Variants in CSMD3 observed in about 807,000 individuals in gnomAD.
The protein encoded by CSMD3 is CUB and sushi domain-containing protein 3.
A neutral mutation model predicts 435.2 loss-of-function variants in CSMD3; 177 were observed. The ratio of observed to expected loss-of-function variants is 0.41; its 90% confidence interval spans 0.36 to 0.46. CSMD3 has a LOEUF of 0.46. CSMD3 is among the 20% of genes least tolerant of loss of function. The pLI, the probability that CSMD3 is intolerant of heterozygous loss-of-function variation, is 0.34. For synonymous variants in CSMD3, 1,656 were observed against 1,520.5 expected (o/e 1.09, Z -2.07); for missense variants, 4,265 against 4,504.6 (o/e 0.95, Z 1.52).
rs765706319 is a variant in CSMD3, at chr8:112,807,530, AGGTAGGT to A, written c.1860-7263_1860-7257del. Among the ~76,000 whole-genome samples the A allele has an allele frequency of 4.5e-3, 678 of 150,554 alleles. 5 individuals are homozygous for A. The highest frequency in any genetic ancestry group is 0.021 in the South Asian group (100 of 4,802). ...TAGGTAGGTAGGTAGGTAGGTAGGTAGGTAGGTAGGAAATACATGTTTGGTGTCCATC... is the reference window on the plus strand; with the variant it reads ...TAGGTAGGTAGGTAGGTAGGTAGGTAAGGAAATACATGTTTGGTGTCCATC... On this transcript the variant is annotated intron_variant, in intron 12 of 70. Transcript: ENST00000297405.
At chr8:112,698,712 T>G (rs2076314770) in intron 13 of CSMD3, among the ~76,000 whole-genome samples, 1 of 152,152 alleles carries the variant, frequency 6.6e-6, no homozygotes, top group African/African-American at 2.4e-5. Context: ...GAATAAAATT[T>G]AAATGCATTC....
intron 5 of CSMD3, among the ~76,000 whole-genome samples, chr8:113,073,454 A>G (rs1421390237): frequency 6.6e-6 from 1 of 151,778 alleles, no homozygotes; most frequent in African/African-American, 2.4e-5. Flanking sequence ...GCTCACTAGA[A>G]CTCATGGTTT....
chr8:112,433,030 G>T (rs1813884312), intron 32 of CSMD3, among the ~76,000 whole-genome samples: 2 of 151,978 alleles, frequency 1.3e-5, no homozygotes, highest in African/African-American at 2.4e-5. Context: ...TATTAACTGA[G>T]ATCAAATTAC....
intron 3 of CSMD3, among the ~76,000 whole-genome samples, chr8:113,246,209 T>C (rs1484993326): frequency 6.6e-6 from 1 of 151,984 alleles, no homozygotes; most frequent in Non-Finnish European, 1.5e-5. Flanking sequence ...CCCGTTATGG[T>C]CCATGTTAAT....
intron 1 of CSMD3, among the ~76,000 whole-genome samples, chr8:113,435,845 CT>C (rs1009126928): frequency 6.6e-6 from 1 of 152,088 alleles, no homozygotes; most frequent in African/African-American, 2.4e-5. Flanking sequence ...AAGGACAGCT[CT>C]TTTTCCCATG....
At chr8:112,326,485 T>C (rs1015693531) in intron 45 of CSMD3, among the ~76,000 whole-genome samples, 1 of 152,134 alleles carries the variant, frequency 6.6e-6, no homozygotes, top group African/African-American at 2.4e-5. Flanking sequence ...AAAGCCAAGA[T>C]TGAGTTAAAA....
chr8:112,590,505 A>T (rs1831092449), intron 22 of CSMD3, among the ~76,000 whole-genome samples: 1 of 152,096 alleles, frequency 6.6e-6, no homozygotes, highest in African/African-American at 2.4e-5. Flanking sequence ...GATATGAAAA[A>T]GCTTTCTTTG....
intron 13 of CSMD3, among the ~76,000 whole-genome samples, chr8:112,712,263 A>C (rs1024602402): frequency 2.6e-5 from 4 of 152,160 alleles, no homozygotes; most frequent in African/African-American, 4.8e-5. Context: ...AAACAACAAT[A>C]AAAAACACCT....
chr8:112,998,907 A>G (rs934737801), intron 6 of CSMD3, among the ~76,000 whole-genome samples: 12 of 151,906 alleles, frequency 7.9e-5, no homozygotes, highest in African/African-American at 2.9e-4. Context: ...CAATGACTGT[A>G]AGTTTCCTGA....
At chr8:112,497,552 A>C (rs1821486848) in intron 30 of CSMD3, among the ~76,000 whole-genome samples, 1 of 151,276 alleles carries the variant, frequency 6.6e-6, no homozygotes, top group Non-Finnish European at 1.5e-5. Flanking sequence ...GAAAAAGACC[A>C]CTAATAACTT....
intron 27 of CSMD3, among the ~76,000 whole-genome samples, chr8:112,546,121 T>C (rs955450006): frequency 1.3e-5 from 2 of 152,222 alleles, no homozygotes; most frequent in Non-Finnish European, 2.9e-5. Flanking sequence ...GATATTGTCC[T>C]TTCAGGACAA....
chr8:112,491,912 T>A (rs1820738663), intron 31 of CSMD3, among the ~76,000 whole-genome samples: 2 of 152,110 alleles, frequency 1.3e-5, no homozygotes, highest in Admixed American at 1.3e-4. Context: ...CTAGTAACCC[T>A]AAGCAATGAT....
chr8:113,176,495 G>C, intron 3 of CSMD3, among the ~76,000 whole-genome samples: 1 of 152,062 alleles, frequency 6.6e-6, no homozygotes, highest in Non-Finnish European at 1.5e-5. Context: ...TGTTCTGATT[G>C]AACATTCTCT....
intron 10 of CSMD3, among the ~76,000 whole-genome samples, chr8:112,887,198 GTT>G (rs200825945): frequency 0.15 from 20,602 of 135,102 alleles, 1,454 homozygotes; most frequent in Middle Eastern, 0.35. Context: ...ACAATTATTT[GTT>G]TTTTTTTTTT....
intron 6 of CSMD3, among the ~76,000 whole-genome samples, chr8:113,008,849 A>G (rs1454739069): frequency 1.3e-5 from 2 of 151,422 alleles, no homozygotes; most frequent in Admixed American, 6.6e-5. Context: ...TATATTAATT[A>G]TAAGTTTTCT....
chr8:112,821,709 C>T (rs1409953248), intron 12 of CSMD3, among the ~76,000 whole-genome samples: 2 of 152,122 alleles, frequency 1.3e-5, no homozygotes, highest in Non-Finnish European at 2.9e-5. Flanking sequence ...GTGTTTTTGT[C>T]ATGAAGTCTT....
intron 63 of CSMD3, 42 bp from the exon 64 acceptor site, chr8:112,247,173 C>T (rs1186346191): frequency 8.2e-7 from 1 of 1,221,364 alleles, no homozygotes; most frequent in Non-Finnish European, 1.2e-6. Context: ...TCCCCTACAA[C>T]TTCAAATATG....
At chr8:112,973,310 G>A (rs141593899) in intron 7 of CSMD3, among the ~76,000 whole-genome samples, 349 of 151,740 alleles carry the variant, frequency 2.3e-3, no homozygotes, top group African/African-American at 8.0e-3. Flanking sequence ...ATTGGTTTTC[G>A]GTTGTTTACC....
At chr8:113,274,337 G>T (rs2132435504) in intron 3 of CSMD3, among the ~76,000 whole-genome samples, 1 of 152,182 alleles carries the variant, frequency 6.6e-6, no homozygotes, top group East Asian at 1.9e-4. Context: ...TAGTATGAAA[G>T]TAGAGACTGT....
Sources: gnomAD v4.1 joint callset for allele counts (sites outside exome capture counted in the v4.1 genomes callset) on GRCh38, gnomAD v4.1.1 for gene constraint, MANE v1.5 for transcripts, NCBI Gene and HGNC (gene_info 2026-07-23, HGNC 2026-07-21) for gene names.